Variants in HNF4G observed in about 807,000 individuals in gnomAD.
HNF4G encodes the protein hepatocyte nuclear factor 4-gamma.
HNF4G carries 21 observed loss-of-function variants against 50.9 expected under a neutral mutation model. That is an observed-to-expected ratio of 0.41 (90% CI 0.29 to 0.59). The LOEUF (loss-of-function observed/expected upper bound fraction) is 0.59. Ranked by LOEUF, HNF4G falls within the 20% of genes least tolerant of loss-of-function variation. The pLI is 0.26. For missense variants in HNF4G, 527 were observed against 559.4 expected (o/e 0.94, Z 0.58); for synonymous variants, 198 against 185.6 (o/e 1.07, Z -0.54).
At chr8:75,520,755 T>G (rs947549797) in intron 2 of HNF4G, among the ~76,000 whole-genome samples, 1 of 152,140 alleles carries the variant, frequency 6.6e-6, no homozygotes. Context: ...TTACTTTCAC[T>G]TAGTGAATTA....
chr8:75,529,470 A>T (rs1203368417), intron 2 of HNF4G, among the ~76,000 whole-genome samples: 1 of 152,102 alleles, frequency 6.6e-6, no homozygotes, highest in African/African-American at 2.4e-5. Flanking sequence ...AAAAAATGGG[A>T]TATATCTTTA....
intron 1 of HNF4G, among the ~76,000 whole-genome samples, chr8:75,542,966 G>A (rs1208310576): frequency 1.3e-5 from 2 of 152,186 alleles, no homozygotes; most frequent in South Asian, 2.1e-4. Flanking sequence ...TGGGCAGACC[G>A]CCTGCTGAGG....
At chr8:75,555,219 T>C (rs780354484) in intron 5 of HNF4G, among the ~76,000 whole-genome samples, 17 of 152,206 alleles carry the variant, frequency 1.1e-4, no homozygotes, top group Non-Finnish European at 1.9e-4. Flanking sequence ...TAGAATTTAC[T>C]GCAGAGTTAG....
intron 1 of HNF4G, among the ~76,000 whole-genome samples, chr8:75,446,959 A>G (rs1390115304): frequency 4.2e-5 from 6 of 143,514 alleles, no homozygotes; most frequent in Admixed American, 4.2e-4. Flanking sequence ...ACCAAAAAAG[A>G]GCCCGCATCG....
At chr8:75,407,733 A>C (rs13279672), upstream of HNF4G, among the ~76,000 whole-genome samples, 9 of 149,380 alleles carry the variant, frequency 6.0e-5, no homozygotes, top group Admixed American at 5.3e-4. Context: ...AGAGATCGGG[A>C]AAAAGAAACA....
rs1374278315 is a variant in HNF4G, at chr8:75,427,742, CA to C, written c.-144+19581del. Among the ~76,000 whole-genome samples the C allele has an allele frequency of 1.3e-4, 19 of 151,572 alleles. 1 individual carries two copies. The highest frequency in any genetic ancestry group is 4.1e-4 in the African/African-American group (17 of 41,308). On this transcript the variant is annotated intron_variant, in intron 1 of 10. Coordinates refer to the HNF4G transcript ENST00000354370. ...TATGTTTCTTTGATTTAGATAATAG[CA>C]GGGTATATTGAGAAAAATGTGGAAA...
At chr8:75,549,389 C>T (rs1382072667) in intron 3 of HNF4G, among the ~76,000 whole-genome samples, 2 of 152,058 alleles carry the variant, frequency 1.3e-5, no homozygotes, top group African/African-American at 4.8e-5. Flanking sequence ...GCTTAGCTAA[C>T]ATCTTAATTT....
At chr8:75,425,319 A>G (rs1810868313) in intron 1 of HNF4G, among the ~76,000 whole-genome samples, 1 of 151,462 alleles carries the variant, frequency 6.6e-6, no homozygotes, top group African/African-American at 2.4e-5. Flanking sequence ...CCCGACCTCA[A>G]GTGATCCTCT....
rs772292107 is a variant in HNF4G at position 75,547,538 on chromosome 8, C to G, written c.288-49C>G. Reference sequence around the variant, plus strand: ...AATCCATTTGTCTGTTTATTTGCTTCTTTTGTAAATTATAGTTTTCTGCAA... The same window carrying G: ...AATCCATTTGTCTGTTTATTTGCTTGTTTTGTAAATTATAGTTTTCTGCAA... On this transcript the variant is annotated intron_variant, in intron 2 of 9. Transcript: ENST00000396423. 4 of 1,298,440 alleles carry G rather than the reference C, an allele frequency of 3.1e-6. No individual in the cohort carries two copies. The East Asian group carries it at 6.9e-5, about 23-fold the overall frequency. The allele number at this position is 1,298,440 out of a possible 1,614,324, so 80.4% of individuals were successfully genotyped here.
chr8:75,448,700 A>G (rs1303112878), intron 1 of HNF4G, among the ~76,000 whole-genome samples: 1 of 151,966 alleles, frequency 6.6e-6, no homozygotes, highest in African/African-American at 2.4e-5. Context: ...AAATTTTTAA[A>G]AAACACCTAA....
At chr8:75,433,219 T>C (rs1055557442) in intron 1 of HNF4G, among the ~76,000 whole-genome samples, 14 of 151,958 alleles carry the variant, frequency 9.2e-5, no homozygotes, top group Admixed American at 7.9e-4. Context: ...CTGGTCAACA[T>C]AGAAAGACCC....
chr8:75,474,996 T>TA (rs1554572953), intron 1 of HNF4G, among the ~76,000 whole-genome samples: 5 of 125,180 alleles, frequency 4.0e-5, no homozygotes, highest in Middle Eastern at 6.6e-3. Flanking sequence ...GTGCCTGGCC[T>TA]ATTATTTATT....
chr8:75,484,594 C>A (rs1241330706), intron 1 of HNF4G, among the ~76,000 whole-genome samples: 1 of 152,180 alleles, frequency 6.6e-6, no homozygotes, highest in Non-Finnish European at 1.5e-5. Context: ...GTTACATGTT[C>A]TCACAAAACT....
At chr8:75,556,703 C>T (rs1807138895) in intron 6 of HNF4G, among the ~76,000 whole-genome samples, 1 of 152,084 alleles carries the variant, frequency 6.6e-6, no homozygotes, top group African/African-American at 2.4e-5. Context: ...GGTTGAGATC[C>T]TTCTGACACT....
At chr8:75,544,282 G>A (rs570840833) in intron 2 of HNF4G, among the ~76,000 whole-genome samples, 1 of 152,118 alleles carries the variant, frequency 6.6e-6, no homozygotes, top group East Asian at 1.9e-4. Flanking sequence ...TTTCTCCCTC[G>A]TCTCCTAGAG....
At chr8:75,449,866 GTTAAAATCTAC>G (rs144179848) in intron 1 of HNF4G, among the ~76,000 whole-genome samples, 6,093 of 152,220 alleles carry the variant, frequency 0.04, 148 homozygotes, top group Middle Eastern at 0.068. Flanking sequence ...ATGAAGAATA[GTTAAAATCTAC>G]TTAAAATCTA....
intron 1 of HNF4G, among the ~76,000 whole-genome samples, chr8:75,449,777 G>T (rs1811541959): frequency 1.3e-5 from 2 of 152,040 alleles, no homozygotes; most frequent in South Asian, 4.1e-4. Flanking sequence ...AAAGTGCTGG[G>T]ATTACAGGCA....
intron 2 of HNF4G, among the ~76,000 whole-genome samples, chr8:75,532,649 T>C (rs1383206339): frequency 6.6e-6 from 1 of 152,096 alleles, no homozygotes; most frequent in East Asian, 1.9e-4. Flanking sequence ...TATGCAATCA[T>C]ATACAGGAGA....
At chr8:75,518,103 G>A (rs1162132629) in intron 2 of HNF4G, among the ~76,000 whole-genome samples, 2 of 149,814 alleles carry the variant, frequency 1.3e-5, no homozygotes, top group Non-Finnish European at 1.5e-5. Flanking sequence ...TCGTCATTTA[G>A]CATTAGGTAT....
Sources: allele counts gnomAD v4.1 joint callset (sites outside exome capture counted in the v4.1 genomes callset), GRCh38; gene constraint gnomAD v4.1.1; transcripts MANE v1.5; gene names NCBI Gene and HGNC (gene_info 2026-07-23, HGNC 2026-07-21).